The following TEX261 variants were observed in gnomAD, a reference collection of about 807,000 sequenced individuals.
The protein encoded by TEX261 is protein TEX261.
In TEX261, 13 loss-of-function variants were observed where a neutral mutation model predicts 25.1. That is an observed-to-expected ratio of 0.52 (90% CI 0.34 to 0.82). The LOEUF (loss-of-function observed/expected upper bound fraction) is 0.82, where lower values mean the gene tolerates loss of function less well. Among genes scored for constraint, TEX261 ranks in the 40% least tolerant of loss-of-function variants. The pLI is 0.02. For missense variants in TEX261, 206 were observed against 243.2 expected (o/e 0.85, Z 1.02); for synonymous variants, 92 against 97.8 (o/e 0.94, Z 0.35).
At chr2:70,992,894 T>C (rs782301736) in intron 2 of TEX261, among the ~76,000 whole-genome samples, 2 of 152,182 alleles carry the variant, frequency 1.3e-5, no homozygotes, top group African/African-American at 4.8e-5. Context: ...GCCTACAGTT[T>C]GAAAAACACT....
intron 2 of TEX261, among the ~76,000 whole-genome samples, chr2:70,993,253 G>A (rs1183992005): frequency 3.9e-5 from 6 of 152,258 alleles, no homozygotes; most frequent in African/African-American, 1.4e-4. Context: ...AGGGAAGGGC[G>A]AGGGCAGCGA....
chr2:70,988,594 T>G lies in TEX261; in HGVS notation c.*6A>C, dbSNP rs781962550. ...TCTTGCCCCCCACATCCTGCCTGCA[T>G]GGGGGTCAGTATATCTTCTGACGAC... On this transcript the variant is annotated 3_prime_UTR_variant, in exon 6 of 6. Transcript: ENST00000272438. 3.1e-6 allele frequency: 5 copies of G among 1,605,888 alleles called. No individual in the cohort carries two copies. Among genetic ancestry groups the G allele is most frequent in the Non-Finnish European group, 4.3e-6 (5 of 1,172,434 alleles).
At position 70,992,725 on chromosome 2, in the gene TEX261, A is replaced by T. The variant is rs376597410; in HGVS notation, c.151-742T>A. Among the ~76,000 whole-genome samples, 83 of 149,698 alleles carry T rather than the reference A, an allele frequency of 5.5e-4. No homozygotes were observed. The East Asian group carries it at 0.014, about 25-fold the overall frequency. On this transcript the variant is annotated intron_variant, in intron 2 of 5. Coordinates refer to ENST00000272438, the MANE Select transcript of TEX261 (RefSeq NM_144582.3). ...GCCTGGGTAATAAGAGCGAAACTCC[A>T]TCTCAAAAAAAAAAAAAGAAAAAGA...
Position 70,987,837 on chromosome 2 carries a change from C to T in TEX261, c.*763G>A, listed in dbSNP as rs1294159013. 6.6e-6 allele frequency: 1 copy of T among 152,260 alleles called. No homozygotes were observed. Among genetic ancestry groups the T allele is most frequent in the East Asian group, 1.9e-4 (1 of 5,198 alleles). 9.4% of individuals were successfully genotyped at this position (152,260 alleles called of 1,614,324 possible). A position where few individuals can be genotyped will look rare whatever the true frequency, so the allele number is the denominator to read the frequency against. On this transcript the variant is annotated 3_prime_UTR_variant, in exon 6 of 6. Coordinates refer to ENST00000272438, the MANE Select transcript of TEX261 (RefSeq NM_144582.3). The stretch of plus-strand genomic sequence containing the variant: ...AAAATCTAGCCCAGTCCTAAATTGT[C>T]CCCTCTCCTACTCCCAGTTTGACAG...
At chr2:70,991,804 G>T in intron 3 of TEX261, 26 bp downstream of exon 3, 1 of 1,609,308 alleles carries the variant, frequency 6.2e-7, no homozygotes, top group Non-Finnish European at 8.5e-7. Context: ...CACATCAGCT[G>T]CCTCCCCAAC....
At position 70,994,819 on chromosome 2, in the gene TEX261, A is replaced by T; in HGVS notation, c.-62T>A. ...GGGCCTGCGCGCTTCGGCTCCGGCG[A>T]CACACAGCCGCCACCGCCGCCGCCG... is the stretch of plus-strand genomic sequence containing the variant. On this transcript the variant is annotated 5_prime_UTR_variant, in exon 1 of 6. Transcript: ENST00000272438. The T allele has an allele frequency of 7.4e-7, 1 of 1,354,060 alleles. No individual in the cohort carries two copies. The highest frequency in any genetic ancestry group is 9.5e-7 in the Non-Finnish European group (1 of 1,050,032). The allele number at this position is 1,354,060 out of a possible 1,614,324, so 83.9% of individuals were successfully genotyped here. A position where few individuals can be genotyped will look rare whatever the true frequency, so the allele number is the denominator to read the frequency against.
At position 70,994,861 on chromosome 2, in the gene TEX261, C is replaced by T. The variant is rs1196285424; in HGVS notation, c.-104G>A. 1 of 1,213,416 alleles carries T rather than the reference C, an allele frequency of 8.2e-7. No homozygotes were observed. The highest frequency in any genetic ancestry group is 3.9e-5 in the East Asian group (1 of 25,536). 75.2% of individuals were successfully genotyped at this position (1,213,416 alleles called of 1,614,324 possible). On this transcript the variant is annotated 5_prime_UTR_variant, in exon 1 of 6. Coordinates refer to ENST00000272438, the MANE Select transcript of TEX261 (RefSeq NM_144582.3). ...CCGCCGCCGCCGCCGCGTCCCCGCC[C>T]CGCGGACGACAGGACGACGGTGCGC...
Position 70,988,445 on chromosome 2 carries a change from C to T in TEX261, c.*155G>A, listed in dbSNP as rs1320502233. The T allele has an allele frequency of 3.2e-6, 2 of 622,984 alleles. No individual in the cohort carries two copies. The highest frequency in any genetic ancestry group is 2.9e-6 in the Non-Finnish European group (1 of 348,926). The allele number at this position is 622,984 out of a possible 1,614,324, so 38.6% of individuals were successfully genotyped here. On this transcript the variant is annotated 3_prime_UTR_variant, in exon 6 of 6. Coordinates refer to ENST00000272438, the MANE Select transcript of TEX261 (RefSeq NM_144582.3). ...AGCATCAGATCTGAGCCAAGCTGAGCCCCCCAAGGAGGGTGGGGATGGGGC... is the reference window on the plus strand; with the variant it reads ...AGCATCAGATCTGAGCCAAGCTGAGTCCCCCAAGGAGGGTGGGGATGGGGC...
intron 2 of TEX261, 47 bp from the exon 3 acceptor site, chr2:70,992,030 C>A (rs375805835): frequency 1.7e-5 from 26 of 1,511,932 alleles, no homozygotes; most frequent in Admixed American, 2.1e-5. Context: ...TTCCAGGCAA[C>A]GTTCCTGGAC....
rs1670192210 is a variant in TEX261, at chr2:70,986,696, G to A, written c.*1904C>T. ...TGCAGAAGACAGCAAGTACCATCTGGGCCATGGACCTGAATTGTCTGTGCA... is the reference window on the plus strand; with the variant it reads ...TGCAGAAGACAGCAAGTACCATCTGAGCCATGGACCTGAATTGTCTGTGCA... On this transcript the variant is annotated 3_prime_UTR_variant, in exon 6 of 6. Coordinates refer to ENST00000272438, the MANE Select transcript of TEX261 (RefSeq NM_144582.3). The A allele has an allele frequency of 6.6e-6, 1 of 152,536 alleles. No individual in the cohort carries two copies. Among genetic ancestry groups the A allele is most frequent in the African/African-American group, 2.4e-5 (1 of 41,392 alleles). 9.4% of individuals were successfully genotyped at this position (152,536 alleles called of 1,614,324 possible).
At position 70,989,316 on chromosome 2, in the gene TEX261, C is replaced by T. The variant is rs77500008; in HGVS notation, c.373-299G>A. 2.7e-4 allele frequency: 131 copies of T among 484,662 alleles called. No individual in the cohort carries two copies. The East Asian group carries it at 3.9e-3, about 15-fold the overall frequency. The allele number at this position is 484,662 out of a possible 1,614,324, so 30.0% of individuals were successfully genotyped here. On this transcript the variant is annotated intron_variant, in intron 4 of 5. Coordinates refer to ENST00000272438, the MANE Select transcript of TEX261 (RefSeq NM_144582.3). The stretch of plus-strand genomic sequence containing the variant: ...AAGCCATGACTGACTGACCCACACC[C>T]CCCAAAGAAGTGACCTTGCTCTTCC...
At chr2:70,994,631 C>T in intron 1 of TEX261, 57 bp downstream of exon 1, 1 of 1,556,472 alleles carries the variant, frequency 6.4e-7, no homozygotes, top group Non-Finnish European at 8.7e-7. Context: ...ATGCGACCCC[C>T]AACGAGCACC....
Position 70,988,991 on chromosome 2 carries a change from C to T in TEX261, c.399G>A (p.Leu133=), listed in dbSNP as rs1392362159. 5 of 1,613,902 alleles carry T rather than the reference C, an allele frequency of 3.1e-6. No individual in the cohort carries two copies. The highest frequency in any genetic ancestry group is 4.2e-6 in the Non-Finnish European group (5 of 1,179,968). The stretch of plus-strand genomic sequence containing the variant: ...CAAAAAACGCAAACGGAATTATCCA[C>T]AGGCAGAAAGTGAAATAGGCCAGGA... ...SEVLAYFTFC[L]WIIPFAFFVS... is the part of the protein sequence containing the mutation. Residue 133 remains leucine, a synonymous_variant, in exon 5 of 6, where the codon CTG becomes CTA. Coordinates refer to ENST00000272438, the MANE Select transcript of TEX261 (RefSeq NM_144582.3).
intron 1 of TEX261, 193 bp downstream of exon 1, chr2:70,994,495 A>T: frequency 1.4e-6 from 1 of 738,610 alleles, no homozygotes; most frequent in Non-Finnish European, 2.1e-6. Flanking sequence ...GACACCTGGA[A>T]GGAGCCACGG....
In TEX261 at chr2:70,987,529, G is replaced by A. The variant is rs1670214619; in HGVS notation, c.*1071C>T. ...TGAGCACTTGCAAGGCACTATAGTT[G>A]GAGTGCAAGGTCAACAAATGCAGGT... is the stretch of plus-strand genomic sequence containing the variant. On this transcript the variant is annotated 3_prime_UTR_variant, in exon 6 of 6. Coordinates refer to ENST00000272438, the MANE Select transcript of TEX261 (RefSeq NM_144582.3). 6.6e-6 allele frequency: 1 copy of A among 152,588 alleles called. No homozygotes were observed. Among genetic ancestry groups the A allele is most frequent in the Admixed American group, 6.5e-5 (1 of 15,278 alleles). 9.5% of individuals were successfully genotyped at this position (152,588 alleles called of 1,614,324 possible).
rs1180234263 is a variant in TEX261 at position 70,994,804 on chromosome 2, G to T, written c.-47C>A. 2.7e-6 allele frequency: 4 copies of T among 1,463,708 alleles called. No homozygotes were observed. Among genetic ancestry groups the T allele is most frequent in the African/African-American group, 1.5e-5 (1 of 68,588 alleles). 90.7% of individuals were successfully genotyped at this position (1,463,708 alleles called of 1,614,324 possible). A position where few individuals can be genotyped will look rare whatever the true frequency, so the allele number is the denominator to read the frequency against. ...CCCGGCCACCGGGACGGGCCTGCGC[G>T]CTTCGGCTCCGGCGACACACAGCCG... is the stretch of plus-strand genomic sequence containing the variant. On this transcript the variant is annotated 5_prime_UTR_variant, in exon 1 of 6. Transcript: ENST00000272438.
At chr2:70,993,817 C>G (rs781825974) in intron 1 of TEX261, 42 bp from the exon 2 acceptor site, 2 of 1,510,472 alleles carry the variant, frequency 1.3e-6, no homozygotes, top group Non-Finnish European at 1.8e-6. Flanking sequence ...CAGGGTCACT[C>G]CCACCATCCT....
chr2:70,987,298 G>C lies in TEX261; in HGVS notation c.*1302C>G, dbSNP rs1271000581. 1 of 152,340 alleles carries C rather than the reference G, an allele frequency of 6.6e-6. No individual in the cohort carries two copies. The highest frequency in any genetic ancestry group is 1.9e-4 in the East Asian group (1 of 5,182). 9.4% of individuals were successfully genotyped at this position (152,340 alleles called of 1,614,324 possible). A position where few individuals can be genotyped will look rare whatever the true frequency, so the allele number is the denominator to read the frequency against. ...GGGAAAGCTGGTATTCTTAAGAGAA[G>C]GTAAATGCTAAAGCCAAGGAAATGA... On this transcript the variant is annotated 3_prime_UTR_variant, in exon 6 of 6. Coordinates refer to ENST00000272438, the MANE Select transcript of TEX261 (RefSeq NM_144582.3).
intron 1 of TEX261, 22 bp downstream of exon 1, chr2:70,994,666 G>C: frequency 6.3e-7 from 1 of 1,580,666 alleles, no homozygotes; most frequent in Non-Finnish European, 8.6e-7. Flanking sequence ...AGCCCGCGCG[G>C]GCCGGGGTCG....
Sources: allele counts gnomAD v4.1 joint callset (sites outside exome capture counted in the v4.1 genomes callset), GRCh38; gene constraint gnomAD v4.1.1; transcripts MANE v1.5; gene names NCBI Gene and HGNC (gene_info 2026-07-23, HGNC 2026-07-21).